NKAIN2: variants seen among roughly 807,000 people sequenced by gnomAD.
NKAIN2 encodes sodium/potassium-transporting ATPase subunit beta-1-interacting protein 2.
A neutral mutation model predicts 32.6 loss-of-function variants in NKAIN2; 14 were observed. That is an observed-to-expected ratio of 0.43 (90% CI 0.28 to 0.67). The LOEUF is 0.67. Ranked by LOEUF, NKAIN2 falls within the 30% of genes least tolerant of loss-of-function variation. The probability of loss-of-function intolerance (pLI) is 0.17; values close to 1 mark genes in which losing one functional copy is unlikely to be tolerated. For synonymous variants in NKAIN2, 80 were observed against 87.2 expected (o/e 0.92, Z 0.46); for missense variants, 198 against 258.3 (o/e 0.77, Z 1.60).
chr6:124,524,928 C>T (rs1347114677), intron 3 of NKAIN2, among the ~76,000 whole-genome samples: 3 of 152,124 alleles, frequency 2.0e-5, no homozygotes, highest in Admixed American at 6.6e-5. Flanking sequence ...AAAATCCCCA[C>T]GGAAACAAGA....
intron 1 of NKAIN2, among the ~76,000 whole-genome samples, chr6:123,851,551 G>GT (rs914459387): frequency 3.3e-5 from 5 of 151,964 alleles, no homozygotes; most frequent in Non-Finnish European, 5.9e-5. Context: ...ACGCCCAGCT[G>GT]TTTTTTATTT....
chr6:124,314,945 AT>A (rs1796881302), intron 2 of NKAIN2, among the ~76,000 whole-genome samples: 1 of 152,188 alleles, frequency 6.6e-6, no homozygotes, highest in African/African-American at 2.4e-5. Flanking sequence ...TCAATATTCA[AT>A]TTAAATAAAG....
At chr6:124,407,211 A>G (rs1314211165) in intron 3 of NKAIN2, among the ~76,000 whole-genome samples, 1 of 152,060 alleles carries the variant, frequency 6.6e-6, no homozygotes, top group African/African-American at 2.4e-5. Context: ...TTTTATTATT[A>G]TACTTTAAGT....
At chr6:124,682,690 A>G (rs2114508590) in intron 4 of NKAIN2, among the ~76,000 whole-genome samples, 1 of 152,330 alleles carries the variant, frequency 6.6e-6, no homozygotes, top group Non-Finnish European at 1.5e-5. Flanking sequence ...CACTTGATCT[A>G]CATTTCAGGA....
chr6:124,771,911 G>A (rs1250389970), intron 4 of NKAIN2, among the ~76,000 whole-genome samples: 1 of 152,118 alleles, frequency 6.6e-6, no homozygotes, highest in East Asian at 1.9e-4. Flanking sequence ...TATGTTAGAG[G>A]AGTTGCTAGA....
At chr6:124,571,567 T>C (rs952532751) in intron 3 of NKAIN2, among the ~76,000 whole-genome samples, 1 of 152,170 alleles carries the variant, frequency 6.6e-6, no homozygotes, top group African/African-American at 2.4e-5. Flanking sequence ...GTTGCCACCA[T>C]GTAAGAAGTG....
intron 1 of NKAIN2, among the ~76,000 whole-genome samples, chr6:123,989,486 G>A (rs1779322337): frequency 6.6e-6 from 1 of 152,070 alleles, no homozygotes; most frequent in South Asian, 2.1e-4. Flanking sequence ...CAGAACTCTT[G>A]CTGGGTCTTT....
chr6:124,170,259 GTTAT>G (rs1788778097), intron 1 of NKAIN2, among the ~76,000 whole-genome samples: 2 of 152,078 alleles, frequency 1.3e-5, no homozygotes, highest in Admixed American at 1.3e-4. Context: ...ATTGCTTGGT[GTTAT>G]TTAAGTGTTC....
At chr6:124,259,684 C>T (rs1309416505) in intron 1 of NKAIN2, among the ~76,000 whole-genome samples, 2 of 152,052 alleles carry the variant, frequency 1.3e-5, no homozygotes, top group Non-Finnish European at 2.9e-5. Context: ...AGAAGAAAAA[C>T]CTATACCTTT....
intron 1 of NKAIN2, among the ~76,000 whole-genome samples, chr6:124,061,910 T>C (rs1337520063): frequency 6.6e-6 from 1 of 152,164 alleles, no homozygotes; most frequent in Admixed American, 6.5e-5. Flanking sequence ...ATTCTTAAGA[T>C]GAGCAAAGTA....
intron 3 of NKAIN2, among the ~76,000 whole-genome samples, chr6:124,601,796 T>C (rs549218728): frequency 1.1e-4 from 17 of 152,092 alleles, no homozygotes; most frequent in Admixed American, 9.2e-4. Context: ...GTTGTAGAAT[T>C]TACATGAGCC....
intron 3 of NKAIN2, among the ~76,000 whole-genome samples, chr6:124,593,093 C>A (rs879382048): frequency 6.6e-6 from 1 of 152,068 alleles, no homozygotes; most frequent in Non-Finnish European, 1.5e-5. Context: ...ACTTGTAAAC[C>A]TTTAATATTT....
intron 3 of NKAIN2, among the ~76,000 whole-genome samples, chr6:124,387,629 T>C (rs1270570232): frequency 6.6e-6 from 1 of 152,090 alleles, no homozygotes; most frequent in Admixed American, 6.6e-5. Context: ...TTTGCAAAAT[T>C]GGATTTTTTT....
intron 3 of NKAIN2, among the ~76,000 whole-genome samples, chr6:124,516,121 G>T (rs1562232812): frequency 6.6e-6 from 1 of 152,106 alleles, no homozygotes; most frequent in Non-Finnish European, 1.5e-5. Flanking sequence ...CTTAATTCTA[G>T]TGGAGCAAGG....
Position 123,908,229 on chromosome 6 carries a change from A to AAAT in NKAIN2, c.54+103990_54+103992dup, listed in dbSNP as rs1043157691. On this transcript the variant is annotated intron_variant, in intron 1 of 6. Coordinates refer to ENST00000368417, the MANE Select transcript of NKAIN2 (RefSeq NM_001040214.3). ...TTGATTTCAGAGATGTTGACATTTA[A>AAAT]AATAATAATAATAATAAAAATCTGA... is the stretch of plus-strand genomic sequence containing the variant. Among the ~76,000 whole-genome samples the AAAT allele has an allele frequency of 5.9e-5, 9 of 152,086 alleles. 1 individual carries two copies. Among genetic ancestry groups the AAAT allele is most frequent in the South Asian group, 4.1e-4 (2 of 4,834 alleles).
At chr6:124,229,034 G>T (rs1361734464) in intron 1 of NKAIN2, among the ~76,000 whole-genome samples, 1 of 152,086 alleles carries the variant, frequency 6.6e-6, no homozygotes, top group East Asian at 1.9e-4. Context: ...CACAATTGAA[G>T]GTGTGTTTCT....
At chr6:123,933,288 A>T (rs1382707612) in intron 1 of NKAIN2, among the ~76,000 whole-genome samples, 1 of 152,206 alleles carries the variant, frequency 6.6e-6, no homozygotes, top group African/African-American at 2.4e-5. Flanking sequence ...AATTGTTAAC[A>T]TATATTTTAC....
chr6:124,288,621 C>T (rs1297429136), intron 2 of NKAIN2, among the ~76,000 whole-genome samples: 1 of 152,020 alleles, frequency 6.6e-6, no homozygotes, highest in Admixed American at 6.6e-5. Context: ...CTATAGCACC[C>T]AGCTTTTTGA....
chr6:123,882,178 A>G (rs751033653), intron 1 of NKAIN2, among the ~76,000 whole-genome samples: 1 of 152,108 alleles, frequency 6.6e-6, no homozygotes, highest in Admixed American at 6.5e-5. Context: ...TGCACAATAA[A>G]ATATATCAAA....
Sources: allele counts gnomAD v4.1 joint callset (sites outside exome capture counted in the v4.1 genomes callset), GRCh38; gene constraint gnomAD v4.1.1; transcripts MANE v1.5; gene names NCBI Gene and HGNC (gene_info 2026-07-23, HGNC 2026-07-21).